Variants in SBF2 observed in about 807,000 individuals in gnomAD.
SBF2 encodes myotubularin-related protein 13.
Under a neutral mutation model 225.2 loss-of-function variants are expected in SBF2, and 112 were observed. The ratio of observed to expected loss-of-function variants is 0.50; its 90% CI spans 0.43 to 0.58. The LOEUF is 0.58. Among genes scored for constraint, SBF2 ranks in the 20% least tolerant of loss-of-function variants. The probability of loss-of-function intolerance (pLI) is 0.00; values close to 1 mark genes in which losing one functional copy is unlikely to be tolerated. For missense variants in SBF2, 1,996 were observed against 2,206.2 expected, an observed-to-expected ratio of 0.90 and a Z score of 1.91; for synonymous variants, 763 against 773.3, an observed-to-expected ratio of 0.99 and a Z score of 0.22.
At chr11:9,792,652 G>A (rs1197730460) in intron 33 of SBF2, among the ~76,000 whole-genome samples, 1 of 152,174 alleles carries the variant, frequency 6.6e-6, no homozygotes, top group Non-Finnish European at 1.5e-5. Flanking sequence ...AGGCTTCCTT[G>A]ATGTTGATTA....
intron 20 of SBF2, among the ~76,000 whole-genome samples, chr11:9,853,273 T>A (rs981249695): frequency 7.9e-5 from 12 of 151,968 alleles, no homozygotes; most frequent in African/African-American, 2.9e-4. Context: ...ATGGGTAGAG[T>A]GTTTGGGGTA....
chr11:10,196,876 T>TTTC (rs71034756), intron 1 of SBF2, among the ~76,000 whole-genome samples: 2 of 119,114 alleles, frequency 1.7e-5, no homozygotes, highest in East Asian at 4.1e-4. Context: ...ATTTTTTTTT[T>TTTC]CCTACAAAAT....
intron 2 of SBF2, among the ~76,000 whole-genome samples, chr11:10,188,358 A>G (rs1218284635): frequency 6.6e-6 from 1 of 152,050 alleles, no homozygotes; most frequent in Non-Finnish European, 1.5e-5. Context: ...CCATGTAACG[A>G]AGTCCAGGCT....
chr11:9,911,873 T>A (rs1186086466), intron 16 of SBF2, among the ~76,000 whole-genome samples: 2 of 152,242 alleles, frequency 1.3e-5, no homozygotes, highest in Non-Finnish European at 2.9e-5. Context: ...TTTGTAACCT[T>A]GGAGCGATAG....
At chr11:10,001,702 T>G (rs1402204406) in intron 7 of SBF2, among the ~76,000 whole-genome samples, 2 of 152,046 alleles carry the variant, frequency 1.3e-5, no homozygotes, top group South Asian at 4.2e-4. Flanking sequence ...CTTTTTCTAT[T>G]TTTTTAGTAC....
At chr11:10,292,803 C>T (rs1373232465) in intron 1 of SBF2, among the ~76,000 whole-genome samples, 5 of 152,010 alleles carry the variant, frequency 3.3e-5, no homozygotes, top group African/African-American at 1.2e-4. Context: ...AAACATCAGA[C>T]TATGCCAAAT....
At chr11:9,820,798 G>C (rs1564883013) in intron 28 of SBF2, among the ~76,000 whole-genome samples, 1 of 152,132 alleles carries the variant, frequency 6.6e-6, no homozygotes, top group African/African-American at 2.4e-5. Context: ...TAAAAACTCA[G>C]GACTCCAGTT....
chr11:9,842,495 GGTAA>G, intron 25 of SBF2, 126 bp downstream of exon 25: 1 of 864,746 alleles, frequency 1.2e-6, no homozygotes, highest in Non-Finnish European at 1.9e-6. Context: ...CTAAGAAGCT[GGTAA>G]GTGCTTCCAT....
intron 7 of SBF2, among the ~76,000 whole-genome samples, chr11:10,001,744 T>C (rs1265861267): frequency 6.6e-6 from 1 of 152,026 alleles, no homozygotes; most frequent in Non-Finnish European, 1.5e-5. Flanking sequence ...GCCAGGATGG[T>C]ATGGATCTCT....
chr11:10,257,977 A>G (rs1394941005), intron 1 of SBF2, among the ~76,000 whole-genome samples: 1 of 152,120 alleles, frequency 6.6e-6, no homozygotes, highest in Non-Finnish European at 1.5e-5. Flanking sequence ...ATAAGTAAAA[A>G]TAAATTTAAA....
intron 1 of SBF2, among the ~76,000 whole-genome samples, chr11:10,226,653 A>G (rs1229537087): frequency 1.3e-5 from 2 of 152,224 alleles, no homozygotes; most frequent in Non-Finnish European, 2.9e-5. Context: ...TACAAAGGAC[A>G]TTAACTCATC....
chr11:9,791,683 A>G (rs1230901570), intron 33 of SBF2, among the ~76,000 whole-genome samples: 1 of 152,260 alleles, frequency 6.6e-6, no homozygotes, highest in Non-Finnish European at 1.5e-5. Flanking sequence ...AGTAACTCCA[A>G]TGTCCAAAGT....
At chr11:10,125,405 ATAT>A (rs1437863583) in intron 2 of SBF2, among the ~76,000 whole-genome samples, 9 of 152,044 alleles carry the variant, frequency 5.9e-5, no homozygotes, top group Admixed American at 5.9e-4. Context: ...GATGCTTTCT[ATAT>A]TTTTAATATT....
chr11:10,124,720 T>C (rs16907486), intron 2 of SBF2, among the ~76,000 whole-genome samples: 11,510 of 152,170 alleles, frequency 0.076, 618 homozygotes, highest in East Asian at 0.28. Flanking sequence ...ACCTGGGCTT[T>C]CTCATTAACT....
chr11:10,269,396 G>A (rs145249924), intron 1 of SBF2, among the ~76,000 whole-genome samples: 164 of 152,256 alleles, frequency 1.1e-3, no homozygotes, highest in Middle Eastern at 3.4e-3. Flanking sequence ...TAAAGTAGAG[G>A]GTAGGGTAAC....
At position 9,845,755 on chromosome 11, in the gene SBF2, G is replaced by A; in HGVS notation, c.2935-15C>T. 1 of 1,612,316 alleles carries A rather than the reference G, an allele frequency of 6.2e-7. No homozygotes were observed. Reference sequence around the variant, plus strand: ...ACCTTAATCAACTAGAAGCAAAAGAGATTAAACACAAAAGAAGCATTAAGG... The same window carrying A: ...ACCTTAATCAACTAGAAGCAAAAGAAATTAAACACAAAAGAAGCATTAAGG... On this transcript the variant is annotated splice_polypyrimidine_tract_variant and intron_variant, in intron 23 of 39. Transcript: ENST00000256190.
At chr11:9,871,911 TG>T (rs1308771105) in intron 17 of SBF2, among the ~76,000 whole-genome samples, 1 of 152,162 alleles carries the variant, frequency 6.6e-6, no homozygotes, top group Non-Finnish European at 1.5e-5. Flanking sequence ...GACAGTGTGG[TG>T]ATTCCTCAAA....
chr11:10,105,601 G>C (rs772054593), intron 2 of SBF2, among the ~76,000 whole-genome samples: 1 of 152,098 alleles, frequency 6.6e-6, no homozygotes, highest in African/African-American at 2.4e-5. Flanking sequence ...AAAAATAAAA[G>C]CTCACTTTTT....
chr11:9,817,288 G>A (rs940413538), intron 28 of SBF2, among the ~76,000 whole-genome samples: 2 of 151,968 alleles, frequency 1.3e-5, no homozygotes, highest in East Asian at 1.9e-4. Context: ...TGTAAATTCA[G>A]GATTTAAAAG....
Sources: allele counts gnomAD v4.1 joint callset (sites outside exome capture counted in the v4.1 genomes callset), GRCh38; gene constraint gnomAD v4.1.1; transcripts MANE v1.5; gene names NCBI Gene and HGNC (gene_info 2026-07-23, HGNC 2026-07-21).